MMP7: variants seen among roughly 807,000 people sequenced by gnomAD.
MMP7 encodes the protein matrilysin.
MMP7 carries 26 observed loss-of-function variants against 31.5 expected under a neutral mutation model. The ratio of observed to expected loss-of-function variants is 0.83; its 90% CI spans 0.61 to 1.15. The LOEUF is 1.15. Among genes scored for constraint, MMP7 ranks in the 50% most tolerant of loss-of-function variants. The pLI is 0.00. For synonymous variants in MMP7, 142 were observed against 124.2 expected, an observed-to-expected ratio of 1.14 and a Z score of -0.95; for missense variants, 367 against 326.5, an observed-to-expected ratio of 1.12 and a Z score of -0.96.
At chr11:102,524,072 C>T (rs1355316278) in intron 4 of MMP7, among the ~76,000 whole-genome samples, 1 of 152,142 alleles carries the variant, frequency 6.6e-6, no homozygotes. Context: ...TGAGCCCGTG[C>T]GTTTGAGGAG....
At chr11:102,527,725 T>C (rs375158082) in intron 2 of MMP7, 32 bp downstream of exon 2, 24 of 1,613,600 alleles carry the variant, frequency 1.5e-5, no homozygotes, top group Admixed American at 5.0e-5. Context: ...GGCTTTATTG[T>C]TTTTGCCAAA....
At position 102,520,518 on chromosome 11, in the gene MMP7, A is replaced by G. The variant is rs746458125; in HGVS notation, c.*258T>C. 6 of 346,768 alleles carry G rather than the reference A, an allele frequency of 1.7e-5. No homozygotes were observed. The highest frequency in any genetic ancestry group is 7.3e-5 in the South Asian group (1 of 13,726). 21.5% of individuals were successfully genotyped at this position (346,768 alleles called of 1,614,324 possible). A position where few individuals can be genotyped will look rare whatever the true frequency, so the allele number is the denominator to read the frequency against. ...GCTCCAAACTATAAATAAATTTACC[A>G]TGGAATAAACATTTTATTTATTTGT... is the stretch of plus-strand genomic sequence containing the variant. On this transcript the variant is annotated 3_prime_UTR_variant, in exon 6 of 6. Coordinates refer to ENST00000260227, the MANE Select transcript of MMP7 (RefSeq NM_002423.5).
chr11:102,528,691 G>A (rs1858700719), intron 1 of MMP7, among the ~76,000 whole-genome samples: 1 of 152,130 alleles, frequency 6.6e-6, no homozygotes, highest in Non-Finnish European at 1.5e-5. Flanking sequence ...GCAGTATACA[G>A]TAGGACTCCC....
At position 102,530,600 on chromosome 11, in the gene MMP7, T is replaced by C. The variant is rs1858723790; in HGVS notation, c.101A>G (p.Gln34Arg). 1.9e-6 allele frequency: 3 copies of C among 1,613,322 alleles called. No individual in the cohort carries two copies. Among genetic ancestry groups the C allele is most frequent in the South Asian group, 1.1e-5 (1 of 91,058 alleles). ...AAGTGGGCTGTGACATACCTGAGCC[T>C]GTTCCCACTGTAGCTCACTCATGCC... The part of the protein sequence containing the change: ...AGGMSELQWE[Q>R]AQDYLKRFYL... The change falls in exon 1 of 6, where the codon CAG (glutamine) becomes CGG (arginine). Residue 34 changes from glutamine to arginine, a missense_variant. Coordinates refer to ENST00000260227, the MANE Select transcript of MMP7 (RefSeq NM_002423.5).
intron 3 of MMP7, among the ~76,000 whole-genome samples, chr11:102,526,241 T>TATATA (rs59390667): frequency 2.2e-4 from 26 of 120,730 alleles, no homozygotes; most frequent in South Asian, 1.0e-3. Context: ...TATATATATA[T>TATATA]TTTTTTTTTT....
At chr11:102,527,238 G>A (rs1032108769) in intron 3 of MMP7, 5 of 407,364 alleles carry the variant, frequency 1.2e-5, no homozygotes, top group Non-Finnish European at 2.3e-5. Context: ...TAGGTAATAG[G>A]GAAATGAAGG....
chr11:102,523,398 A>C lies in MMP7; in HGVS notation c.617T>G (p.Ile206Ser). 6.3e-7 allele frequency: 1 copy of C among 1,598,550 alleles called. No homozygotes were observed. Among genetic ancestry groups the C allele is most frequent in the African/African-American group, 1.3e-5 (1 of 74,784 alleles). Residue 206 changes from isoleucine (I) to serine (S), a missense_variant, in exon 5 of 6, where the codon ATT becomes AGT. Ile to Ser is a moderately radical substitution (Grantham distance 142). Coordinates refer to ENST00000260227, the MANE Select transcript of MMP7 (RefSeq NM_002423.5). ...ATGAGTTGCAGCATACAGGAAGTTA[A>C]TCCCTACAACCGAAGAAGTGACAAA... ...ERWTDGSSLG[I>S]NFLYAATHEL...
At chr11:102,524,819 GTGTT>G in intron 4 of MMP7, 113 bp downstream of exon 4, 1 of 1,146,898 alleles carries the variant, frequency 8.7e-7, no homozygotes, top group Non-Finnish European at 1.2e-6. Flanking sequence ...ATATAGTACA[GTGTT>G]TGGCACTTAG....
At chr11:102,530,476 C>A (rs1858722746) in intron 1 of MMP7, 117 bp downstream of exon 1, 2 of 809,700 alleles carry the variant, frequency 2.5e-6, no homozygotes, top group African/African-American at 1.7e-5. Context: ...ATCCGAAGAA[C>A]CACCCCAAAG....
chr11:102,522,257 T>G (rs17880914), intron 5 of MMP7, among the ~76,000 whole-genome samples: 9 of 152,320 alleles, frequency 5.9e-5, no homozygotes, highest in Admixed American at 1.3e-4. Flanking sequence ...TACTGGAATA[T>G]TTCTCCCCTG....
At chr11:102,524,824 T>C in intron 4 of MMP7, 112 bp downstream of exon 4, 1 of 1,221,908 alleles carries the variant, frequency 8.2e-7, no homozygotes, top group East Asian at 2.7e-5. Flanking sequence ...GTACAGTGTT[T>C]GGCACTTAGC....
intron 1 of MMP7, among the ~76,000 whole-genome samples, chr11:102,528,910 A>T (rs1049496307): frequency 6.6e-6 from 1 of 152,238 alleles, no homozygotes; most frequent in Non-Finnish European, 1.5e-5. Context: ...TAACCACTCT[A>T]TGAAACAAGT....
chr11:102,525,722 G>T (rs1244437316), intron 3 of MMP7, among the ~76,000 whole-genome samples: 1 of 150,046 alleles, frequency 6.7e-6, no homozygotes, highest in Non-Finnish European at 1.5e-5. Context: ...GAATGAATAT[G>T]AATACCACAT....
At chr11:102,527,307 G>T in intron 3 of MMP7, 1 of 562,106 alleles carries the variant, frequency 1.8e-6, no homozygotes, top group Non-Finnish European at 3.1e-6. Context: ...GCTGGATTTG[G>T]CTCATGCATC....
At chr11:102,523,148 T>C in intron 5 of MMP7, 92 bp downstream of exon 5, 1 of 1,000,530 alleles carries the variant, frequency 1.0e-6, no homozygotes, top group Admixed American at 2.4e-5. Context: ...AGTGTGGTTT[T>C]CCAGGTAAAT....
intron 4 of MMP7, 92 bp from the exon 5 acceptor site, chr11:102,523,493 A>C: frequency 9.1e-7 from 1 of 1,098,106 alleles, no homozygotes; most frequent in Non-Finnish European, 1.2e-6. Flanking sequence ...TAAAAAAACT[A>C]AAGAAAAATA....
At chr11:102,523,545 G>T in intron 4 of MMP7, 144 bp from the exon 5 acceptor site, 1 of 619,960 alleles carries the variant, frequency 1.6e-6, no homozygotes, top group Non-Finnish European at 2.4e-6. Context: ...TTGTTTCTAG[G>T]CTTTCAAAAG....
At chr11:102,529,843 T>C in intron 1 of MMP7, among the ~76,000 whole-genome samples, 1 of 152,338 alleles carries the variant, frequency 6.6e-6, no homozygotes, top group South Asian at 2.1e-4. Context: ...CTAATCAGTT[T>C]AACTTTGGTT....
Position 102,523,220 on chromosome 11 carries a change from T to C in MMP7, c.775+20A>G. ...AAAAAGAAAATGGGAAATCCTCTTA[T>C]TTGAAATAATAAATATTACCATATA... On this transcript the variant is annotated intron_variant, in intron 5 of 5. Transcript: ENST00000260227. 1.3e-6 allele frequency: 2 copies of C among 1,553,350 alleles called. No homozygotes were observed. Among genetic ancestry groups the C allele is most frequent in the South Asian group, 1.2e-5 (1 of 83,382 alleles).
Sources: gnomAD v4.1 joint callset for allele counts (sites outside exome capture counted in the v4.1 genomes callset) on GRCh38, gnomAD v4.1.1 for gene constraint, MANE v1.5 for transcripts, NCBI Gene and HGNC (gene_info 2026-07-23, HGNC 2026-07-21) for gene names.